RANBP2: variants seen among roughly 807,000 people sequenced by gnomAD.
RANBP2 encodes the protein RAN binding protein 2, also known as E3 SUMO-protein ligase RanBP2.
RANBP2 carries 57 observed loss-of-function variants against 303.6 expected under a neutral mutation model. That is an observed-to-expected ratio of 0.19 (90% CI 0.15 to 0.23). RANBP2 has a LOEUF of 0.23. Ranked by LOEUF, RANBP2 falls within the 10% of genes least tolerant of loss-of-function variation. The pLI, the probability that RANBP2 is intolerant of heterozygous loss-of-function variation, is 1.00. For synonymous variants in RANBP2, 1,167 were observed against 1,301.5 expected (o/e 0.90, Z 2.23); for missense variants, 3,138 against 3,780.8 (o/e 0.83, Z 4.46).
chr2:109,392,477 G>T, the RANBP2 span, among the ~76,000 whole-genome samples: 1 of 152,158 alleles, frequency 6.6e-6, no homozygotes, highest in South Asian at 2.1e-4. Context: ...AGGTAAAGTC[G>T]GCTTGGCCAG....
At chr2:109,052,358 C>A in the RANBP2 span, among the ~76,000 whole-genome samples, 1 of 152,264 alleles carries the variant, frequency 6.6e-6, no homozygotes, top group South Asian at 2.1e-4. Flanking sequence ...GGGCGTATTG[C>A]AACATTATGC....
chr2:108,779,684 C>T (rs1036558138), intron 25 of RANBP2, among the ~76,000 whole-genome samples: 5 of 152,134 alleles, frequency 3.3e-5, no homozygotes, highest in Non-Finnish European at 7.3e-5. Flanking sequence ...ATAGTGGGGA[C>T]TTGGTCATCT....
At chr2:109,352,099 G>T in the RANBP2 span, among the ~76,000 whole-genome samples, 1 of 152,192 alleles carries the variant, frequency 6.6e-6, no homozygotes, top group Admixed American at 6.5e-5. Context: ...TAGTGTTTGA[G>T]TTGCTTTTTT....
At chr2:109,434,110 G>A in the RANBP2 span, among the ~76,000 whole-genome samples, 3 of 152,204 alleles carry the variant, frequency 2.0e-5, no homozygotes, top group African/African-American at 4.8e-5. Context: ...CTCACCTGTC[G>A]TGTCATCAGA....
chr2:109,319,044 G>C, the RANBP2 span, among the ~76,000 whole-genome samples: 1 of 152,166 alleles, frequency 6.6e-6, no homozygotes, highest in African/African-American at 2.4e-5. Flanking sequence ...GCTCTCCATC[G>C]ATCCTGGTGT....
the RANBP2 span, among the ~76,000 whole-genome samples, chr2:109,307,846 C>G: frequency 4.4e-5 from 6 of 136,148 alleles, no homozygotes; most frequent in African/African-American, 1.9e-4. Flanking sequence ...GGGTTGGTTC[C>G]AAGTCTTTGC....
the RANBP2 span, among the ~76,000 whole-genome samples, chr2:108,793,093 C>T: frequency 7.0e-6 from 1 of 143,788 alleles, no homozygotes; most frequent in Non-Finnish European, 1.5e-5. Context: ...CACGGTGGCT[C>T]GTGCCTGTAA....
chr2:109,254,931 G>T, the RANBP2 span, among the ~76,000 whole-genome samples: 2 of 152,184 alleles, frequency 1.3e-5, no homozygotes, highest in Non-Finnish European at 2.9e-5. Flanking sequence ...TCAAAAGCTA[G>T]AAAAATGCTC....
the RANBP2 span, among the ~76,000 whole-genome samples, chr2:109,527,396 T>TAAG: frequency 3.3e-5 from 5 of 152,080 alleles, no homozygotes; most frequent in Non-Finnish European, 7.4e-5. Context: ...GGAGTTTGAG[T>TAAG]AACATAAGAA....
At chr2:109,710,292 G>A in the RANBP2 span, among the ~76,000 whole-genome samples, 2 of 150,970 alleles carry the variant, frequency 1.3e-5, no homozygotes, top group East Asian at 2.0e-4. Flanking sequence ...TGAGGTGGGA[G>A]AATTGCTTCA....
At chr2:109,437,661 T>A in the RANBP2 span, among the ~76,000 whole-genome samples, 2 of 151,714 alleles carry the variant, frequency 1.3e-5, no homozygotes, top group African/African-American at 4.8e-5. Flanking sequence ...CTTTCTGAAG[T>A]GCTCTGAGGC....
chr2:108,878,487 CAT>C, the RANBP2 span: 7 of 216,024 alleles, frequency 3.2e-5, no homozygotes, highest in South Asian at 5.6e-4. Context: ...AGATGGCACA[CAT>C]ATTTATGCTG....
the RANBP2 span, among the ~76,000 whole-genome samples, chr2:109,591,674 A>AC: frequency 1.3e-5 from 2 of 152,294 alleles, no homozygotes; most frequent in African/African-American, 2.4e-5. Context: ...AGGCAGATGG[A>AC]TCACTTGAGG....
intron 1 of RANBP2, among the ~76,000 whole-genome samples, chr2:108,723,664 T>C (rs1159732088): frequency 1.3e-5 from 2 of 152,350 alleles, no homozygotes; most frequent in East Asian, 3.9e-4. Context: ...AGTACTGTTA[T>C]TGCAGTTTTT....
At chr2:109,157,729 G>A in the RANBP2 span, among the ~76,000 whole-genome samples, 2 of 152,180 alleles carry the variant, frequency 1.3e-5, no homozygotes, top group Non-Finnish European at 2.9e-5. Context: ...ATCATCCTGA[G>A]ATGCCATACA....
chr2:108,967,103 T>A, the RANBP2 span, among the ~76,000 whole-genome samples: 3 of 152,108 alleles, frequency 2.0e-5, no homozygotes, highest in African/African-American at 7.2e-5. Flanking sequence ...CCAGGCTAAT[T>A]TTTGTATTTT....
At chr2:108,748,588 G>T (rs187533077) in intron 8 of RANBP2, among the ~76,000 whole-genome samples, 369 of 152,232 alleles carry the variant, frequency 2.4e-3, no homozygotes, top group African/African-American at 8.3e-3. Context: ...CAGTGTATCA[G>T]ATCAGAGAAT....
the RANBP2 span, among the ~76,000 whole-genome samples, chr2:109,117,716 G>A: frequency 6.8e-5 from 10 of 146,756 alleles, no homozygotes; most frequent in East Asian, 2.2e-4. Context: ...GAAATCACCC[G>A]TCTTCTGCGT....
At chr2:109,205,831 T>C in the RANBP2 span, among the ~76,000 whole-genome samples, 1 of 152,188 alleles carries the variant, frequency 6.6e-6, no homozygotes, top group Non-Finnish European at 1.5e-5. Context: ...GTGTGTAAAA[T>C]ACTCTTGAGC....
Sources: allele counts gnomAD v4.1 joint callset (sites outside exome capture counted in the v4.1 genomes callset), GRCh38; gene constraint gnomAD v4.1.1; transcripts MANE v1.5; gene names NCBI Gene and HGNC (gene_info 2026-07-23, HGNC 2026-07-21).